SLC26A7: variants seen among roughly 807,000 people sequenced by gnomAD.
SLC26A7 encodes anion exchange transporter.
Under a neutral mutation model 82.5 loss-of-function variants are expected in SLC26A7, and 59 were observed. The ratio of observed to expected loss-of-function variants is 0.72; its 90% CI spans 0.58 to 0.89. SLC26A7 has a LOEUF of 0.89. SLC26A7 is among the 40% of genes least tolerant of loss of function. The pLI, the probability that SLC26A7 is intolerant of heterozygous loss-of-function variation, is 0.00. For missense variants in SLC26A7, 820 were observed against 793.0 expected (o/e 1.03, Z -0.41); for synonymous variants, 271 against 274.3 (o/e 0.99, Z 0.12).
At chr8:91,323,033 A>G (rs556755622) in intron 5 of SLC26A7, among the ~76,000 whole-genome samples, 3 of 152,332 alleles carry the variant, frequency 2.0e-5, no homozygotes, top group East Asian at 1.9e-4. Context: ...TTAAATATGT[A>G]TAAGTGGGGT....
chr8:91,391,656 AT>A (rs1405152229), intron 16 of SLC26A7, among the ~76,000 whole-genome samples: 1 of 152,180 alleles, frequency 6.6e-6, no homozygotes, highest in Admixed American at 6.5e-5. Flanking sequence ...AGAGTCTCTT[AT>A]AATTGTGTGT....
intron 2 of SLC26A7, among the ~76,000 whole-genome samples, chr8:91,257,915 C>T (rs370394126): frequency 3.2e-4 from 48 of 152,108 alleles, no homozygotes; most frequent in African/African-American, 7.9e-4. Context: ...TGGGAGGCCT[C>T]GGGAAACTTA....
At chr8:91,345,675 G>T (rs148069742) in intron 9 of SLC26A7, among the ~76,000 whole-genome samples, 1 of 152,118 alleles carries the variant, frequency 6.6e-6, no homozygotes. Context: ...CCCACTGTGC[G>T]GCAGGATCTT....
intron 5 of SLC26A7, among the ~76,000 whole-genome samples, chr8:91,324,258 C>T (rs1812875717): frequency 6.6e-6 from 1 of 152,184 alleles, no homozygotes. Flanking sequence ...TGACAAGAGA[C>T]ATCAAATTCT....
At chr8:91,381,550 T>C (rs968865517) in intron 15 of SLC26A7, among the ~76,000 whole-genome samples, 2 of 152,032 alleles carry the variant, frequency 1.3e-5, no homozygotes. Context: ...AACTGAAAAA[T>C]TTTTAAGGGA....
At chr8:91,218,513 C>G (rs1183792404) in intron 1 of SLC26A7, among the ~76,000 whole-genome samples, 2 of 151,990 alleles carry the variant, frequency 1.3e-5, no homozygotes, top group African/African-American at 4.8e-5. Context: ...ACCAAGATAC[C>G]CATTAAGAAG....
chr8:91,261,601 T>TA (rs1260736195), intron 2 of SLC26A7, among the ~76,000 whole-genome samples: 5 of 152,194 alleles, frequency 3.3e-5, no homozygotes, highest in African/African-American at 1.2e-4. Flanking sequence ...CTGGCAGTCT[T>TA]AAAAAGCTAT....
chr8:91,242,922 A>G (rs1203970109), intron 2 of SLC26A7, among the ~76,000 whole-genome samples: 2 of 152,206 alleles, frequency 1.3e-5, no homozygotes, highest in Non-Finnish European at 2.9e-5. Flanking sequence ...TTTTGATACA[A>G]TGAACTAATT....
intron 4 of SLC26A7, among the ~76,000 whole-genome samples, chr8:91,314,289 T>C (rs1481614593): frequency 6.6e-6 from 1 of 152,158 alleles, no homozygotes; most frequent in Non-Finnish European, 1.5e-5. Flanking sequence ...CCAAGCACAA[T>C]ATTCCAGGAG....
intron 4 of SLC26A7, among the ~76,000 whole-genome samples, chr8:91,316,932 T>C (rs1336628564): frequency 7.5e-6 from 1 of 132,834 alleles, no homozygotes; most frequent in Non-Finnish European, 1.5e-5. Context: ...AGCAGGAGGA[T>C]TGTTTGAGCC....
intron 3 of SLC26A7, 80 bp downstream of exon 3, chr8:91,289,326 A>G (rs976722464): frequency 9.2e-7 from 1 of 1,090,824 alleles, no homozygotes; most frequent in Non-Finnish European, 1.4e-6. Flanking sequence ...TCTCCTTAGC[A>G]GTGTTAATGT....
In SLC26A7 at chr8:91,363,531, T is replaced by C; in HGVS notation, c.1481T>C (p.Met494Thr). 6.7e-7 allele frequency: 1 copy of C among 1,494,712 alleles called. No individual in the cohort carries two copies. The highest frequency in any genetic ancestry group is 1.4e-5 in the African/African-American group (1 of 71,450). 92.6% of individuals were successfully genotyped at this position (1,494,712 alleles called of 1,614,324 possible). A position where few individuals can be genotyped will look rare whatever the true frequency, so the allele number is the denominator to read the frequency against. The change falls in exon 13 of 19, where the codon ATG becomes ACG. Residue 494 changes from methionine (M) to threonine (T), a missense_variant. Transcript: ENST00000276609. ...ATGGAATTTAAAGTGAAGACAGAAA[T>C]GGACAGTGTAAGTTTAGTTTTATTT... The part of the protein sequence containing the change: ...KEMEFKVKTE[M>T]DSETLQQVKI...
chr8:91,362,307 TG>T (rs1171523418), intron 11 of SLC26A7, 45 bp from the exon 12 acceptor site: 10 of 1,435,032 alleles, frequency 7.0e-6, no homozygotes, highest in Non-Finnish European at 9.7e-6. Context: ...TGAGAAGAAG[TG>T]AATTCCAAAG....
intron 4 of SLC26A7, among the ~76,000 whole-genome samples, chr8:91,316,908 C>G (rs1481994579): frequency 1.4e-5 from 2 of 137,940 alleles, no homozygotes; most frequent in African/African-American, 5.4e-5. Flanking sequence ...AATCTCAGCA[C>G]TTTGGGAGAC....
intron 1 of SLC26A7, among the ~76,000 whole-genome samples, chr8:91,211,083 TGGC>T (rs1417119905): frequency 2.1e-4 from 32 of 152,068 alleles, no homozygotes; most frequent in Admixed American, 3.9e-4. Flanking sequence ...GAAAAAACAA[TGGC>T]ATACTATTTT....
At chr8:91,323,954 G>A (rs969480764) in intron 5 of SLC26A7, among the ~76,000 whole-genome samples, 1 of 151,698 alleles carries the variant, frequency 6.6e-6, no homozygotes, top group African/African-American at 2.4e-5. Flanking sequence ...AGCCTCTGGA[G>A]TAGTTTGGAT....
At chr8:91,269,078 A>G (rs1811195078) in intron 2 of SLC26A7, among the ~76,000 whole-genome samples, 1 of 151,946 alleles carries the variant, frequency 6.6e-6, no homozygotes, top group Non-Finnish European at 1.5e-5. Context: ...TGTCTTTAAT[A>G]GTTTTGTTTT....
At chr8:91,277,769 A>G (rs996538676) in intron 2 of SLC26A7, among the ~76,000 whole-genome samples, 11 of 152,248 alleles carry the variant, frequency 7.2e-5, no homozygotes, top group African/African-American at 2.7e-4. Context: ...AACTTCACAT[A>G]TTATTAACTT....
intron 5 of SLC26A7, among the ~76,000 whole-genome samples, chr8:91,325,340 T>C (rs537716784): frequency 1.3e-5 from 2 of 152,240 alleles, no homozygotes; most frequent in Admixed American, 6.5e-5. Context: ...GTTTAAACAG[T>C]TTCCCCATTC....
Sources: gnomAD v4.1 joint callset for allele counts (sites outside exome capture counted in the v4.1 genomes callset) on GRCh38, gnomAD v4.1.1 for gene constraint, MANE v1.5 for transcripts, NCBI Gene and HGNC (gene_info 2026-07-23, HGNC 2026-07-21) for gene names.